Variants in ZFP69B observed in about 807,000 individuals in gnomAD.
The protein encoded by ZFP69B is ZFP69 zinc finger protein B.
ZFP69B carries 20 observed loss-of-function variants against 19.7 expected under a neutral mutation model. That is an observed-to-expected ratio of 1.02 (90% confidence interval 0.71 to 1.48). The LOEUF is 1.48. Among genes scored for constraint, ZFP69B ranks in the 40% most tolerant of loss-of-function variants. The pLI, the probability that ZFP69B is intolerant of heterozygous loss-of-function variation, is 0.00. For missense variants in ZFP69B, 583 were observed against 632.6 expected (o/e 0.92, Z 0.84); for synonymous variants, 220 against 222.7 (o/e 0.99, Z 0.11).
At chr1:40,462,351 A>G in intron 4 of ZFP69B, 70 bp from the exon 5 acceptor site, 3 of 1,431,876 alleles carry the variant, frequency 2.1e-6, no homozygotes, top group South Asian at 1.4e-5. Flanking sequence ...TTGTCCTTCC[A>G]TTCTCACCGT....
At chr1:40,451,661 G>T (rs374123950) in intron 1 of ZFP69B, among the ~76,000 whole-genome samples, 3 of 145,192 alleles carry the variant, frequency 2.1e-5, no homozygotes, top group Non-Finnish European at 3.0e-5. Context: ...CGTGGGGGGG[G>T]GGGAATTCAT....
At chr1:40,457,260 G>T in intron 3 of ZFP69B, 84 bp from the exon 4 acceptor site, 1 of 1,517,612 alleles carries the variant, frequency 6.6e-7, no homozygotes, top group Non-Finnish European at 9.1e-7. Context: ...TCTTTAGAAG[G>T]CCCGAATACC....
intron 4 of ZFP69B, among the ~76,000 whole-genome samples, chr1:40,459,200 G>A (rs1179201658): frequency 1.3e-5 from 2 of 152,144 alleles, no homozygotes; most frequent in East Asian, 1.9e-4. Context: ...TTACACTGTT[G>A]CTCCATTTCT....
At chr1:40,454,179 C>T in intron 1 of ZFP69B, 24 bp from the exon 2 acceptor site, 2 of 1,564,650 alleles carry the variant, frequency 1.3e-6, no homozygotes, top group African/African-American at 1.4e-5. Flanking sequence ...AGATGCAAAC[C>T]TCATGGCTCT....
intron 4 of ZFP69B, among the ~76,000 whole-genome samples, chr1:40,459,572 C>T (rs903095535): frequency 2.0e-5 from 3 of 152,192 alleles, no homozygotes; most frequent in Non-Finnish European, 4.4e-5. Context: ...TGAGGCAACA[C>T]TAAGGCACAT....
At chr1:40,456,905 C>T in intron 2 of ZFP69B, 40 bp from the exon 3 acceptor site, 1 of 1,584,050 alleles carries the variant, frequency 6.3e-7, no homozygotes, top group Non-Finnish European at 8.6e-7. Flanking sequence ...AGAACAACTT[C>T]CCAAAGTCTG....
chr1:40,454,270 C>G lies in ZFP69B; in HGVS notation c.195C>G (p.Ser65=). The G allele has an allele frequency of 5.0e-6, 8 of 1,591,656 alleles. No individual in the cohort carries two copies. Among genetic ancestry groups the G allele is most frequent in the Non-Finnish European group, 6.9e-6 (8 of 1,167,612 alleles). The part of the protein sequence containing the change: ...ESLESRVTLG[S]LTAESQELLT... ...TAGAGAGTAGAGTGACCCTTGGATC[C>G]CTGACAGCAGAATCCCAGGTGGGTT... The change falls in exon 2 of 5, where the codon TCC becomes TCG. Residue 65 remains serine, a synonymous_variant. Coordinates refer to ENST00000361584, the MANE Select transcript of ZFP69B (RefSeq NM_023070.3).
chr1:40,452,010 A>G (rs960172967), intron 1 of ZFP69B, among the ~76,000 whole-genome samples: 10 of 152,206 alleles, frequency 6.6e-5, no homozygotes, highest in Non-Finnish European at 1.5e-4. Context: ...CTGTAATCCC[A>G]GCTACTCGGG....
At chr1:40,462,256 T>A (rs1645292255) in intron 4 of ZFP69B, among the ~76,000 whole-genome samples, 165 bp from the exon 5 acceptor site, 1 of 152,162 alleles carries the variant, frequency 6.6e-6, no homozygotes, top group South Asian at 2.1e-4. Flanking sequence ...TTTCTCTACT[T>A]CTTCACTTGC....
At chr1:40,452,974 G>GT (rs1370751252) in intron 1 of ZFP69B, among the ~76,000 whole-genome samples, 3 of 113,742 alleles carry the variant, frequency 2.6e-5, no homozygotes, top group South Asian at 3.0e-4. Context: ...AATTCCTAGT[G>GT]GTTTTTTTTT....
intron 4 of ZFP69B, 78 bp from the exon 5 acceptor site, chr1:40,462,343 G>T (rs1645292971): frequency 4.5e-6 from 6 of 1,332,218 alleles, no homozygotes; most frequent in Non-Finnish European, 6.2e-6. Flanking sequence ...TATATATTTT[G>T]TCCTTCCATT....
chr1:40,450,689 C>T lies in ZFP69B; in HGVS notation c.-273C>T. ...GGGGCTGCTGAGAGTAAATACTTGG[C>T]GCCTCCAGCTGCTGGCCAAGGAGAC... On this transcript the variant is annotated 5_prime_UTR_variant, in exon 1 of 5. Coordinates refer to ENST00000361584, the MANE Select transcript of ZFP69B (RefSeq NM_023070.3). 4.0e-6 allele frequency: 1 copy of T among 250,062 alleles called. No individual in the cohort carries two copies. The highest frequency in any genetic ancestry group is 7.7e-6 in the Non-Finnish European group (1 of 130,608). The allele number at this position is 250,062 out of a possible 1,614,324, so 15.5% of individuals were successfully genotyped here. A position where few individuals can be genotyped will look rare whatever the true frequency, so the allele number is the denominator to read the frequency against.
chr1:40,460,251 A>G (rs540858814), intron 4 of ZFP69B, among the ~76,000 whole-genome samples: 1 of 152,330 alleles, frequency 6.6e-6, no homozygotes, highest in South Asian at 2.1e-4. Context: ...TTTTATAACA[A>G]TGAAAAATTG....
upstream of ZFP69B, chr1:40,450,131 T>C (rs1257270245): frequency 6.6e-6 from 1 of 152,308 alleles, no homozygotes; most frequent in Non-Finnish European, 1.5e-5. Flanking sequence ...GGAACCCGGC[T>C]GCAGCGGTGG....
chr1:40,452,106 C>CA (rs1359121443), intron 1 of ZFP69B, among the ~76,000 whole-genome samples: 1 of 150,750 alleles, frequency 6.6e-6, no homozygotes, highest in Admixed American at 6.7e-5. Context: ...GGCTGGGTGA[C>CA]AGAGCAAGAC....
chr1:40,454,044 C>T (rs1645210429), intron 1 of ZFP69B, among the ~76,000 whole-genome samples, 159 bp from the exon 2 acceptor site: 1 of 152,172 alleles, frequency 6.6e-6, no homozygotes, highest in Non-Finnish European at 1.5e-5. Context: ...GCAGCAGGTC[C>T]TCCTTATTAA....
Position 40,451,021 on chromosome 1 carries a change from T to C in ZFP69B, c.60T>C (p.Arg20=), listed in dbSNP as rs142299056. ...PTEASTWVKL[R]HPKAATERVA... ...AGGCCAGCACCTGGGTGAAGTTGCGTCATCCAAAGGCGGCCACGGAGCGGG... is the reference window on the plus strand; with the variant it reads ...AGGCCAGCACCTGGGTGAAGTTGCGCCATCCAAAGGCGGCCACGGAGCGGG... The change falls in exon 1 of 5, where the codon CGT becomes CGC. Residue 20 remains arginine, a synonymous_variant. Transcript: ENST00000361584. 279 of 1,550,394 alleles carry C rather than the reference T, an allele frequency of 1.8e-4. 1 individual carries two copies. In the African/African-American group the frequency reaches 3.5e-3, roughly 19 times the overall value.
Position 40,463,643 on chromosome 1 carries a change from G to A in ZFP69B, c.*54G>A. The A allele has an allele frequency of 6.9e-7, 1 of 1,450,692 alleles. No individual in the cohort carries two copies. The highest frequency in any genetic ancestry group is 1.4e-5 in the African/African-American group (1 of 70,390). The allele number at this position is 1,450,692 out of a possible 1,614,324, so 89.9% of individuals were successfully genotyped here. ...TGGAGCACAAGATTCTAAATCAGTG[G>A]TTCCCTGATCCCTCAAAAATCCATT... On this transcript the variant is annotated 3_prime_UTR_variant, in exon 5 of 5. Transcript: ENST00000361584.
intron 2 of ZFP69B, among the ~76,000 whole-genome samples, chr1:40,456,568 T>C (rs564101): frequency 0.28 from 41,814 of 151,914 alleles, 5,956 homozygotes; most frequent in Admixed American, 0.35. Context: ...AAAGTATTCC[T>C]ATTTTAACCA....
Sources: allele counts gnomAD v4.1 joint callset (sites outside exome capture counted in the v4.1 genomes callset), GRCh38; gene constraint gnomAD v4.1.1; transcripts MANE v1.5; gene names NCBI Gene and HGNC (gene_info 2026-07-23, HGNC 2026-07-21).